Variants in ENOPH1 observed in about 807,000 individuals in gnomAD.
The protein encoded by ENOPH1 is enolase-phosphatase 1.
ENOPH1 carries 14 observed loss-of-function variants against 31.1 expected under a neutral mutation model. The observed-to-expected ratio is 0.45, with a 90% CI of 0.30 to 0.70. The LOEUF is 0.70. ENOPH1 is among the 30% of genes least tolerant of loss of function. The pLI is 0.09. For missense variants in ENOPH1, 243 were observed against 321.5 expected (o/e 0.76, Z 1.87); for synonymous variants, 127 against 123.2 (o/e 1.03, Z -0.21).
At chr4:82,454,945 C>CT (rs201969443) in intron 4 of ENOPH1, 91 bp downstream of exon 4, 30,877 of 958,950 alleles carry the variant, frequency 0.032, 7 homozygotes, top group Middle Eastern at 0.046. Context: ...TAATAGAATG[C>CT]TTTTTTTTTT....
chr4:82,450,731 G>A (rs1722326237), intron 2 of ENOPH1, among the ~76,000 whole-genome samples: 1 of 152,114 alleles, frequency 6.6e-6, no homozygotes, highest in African/African-American at 2.4e-5. Context: ...TTAAAGTCCT[G>A]GTTTGTTGAT....
intron 1 of ENOPH1, among the ~76,000 whole-genome samples, chr4:82,432,794 C>CA (rs1310519899): frequency 6.6e-6 from 1 of 152,094 alleles, no homozygotes; most frequent in Admixed American, 6.6e-5. Context: ...CGCGCACCAC[C>CA]ACGCCCGGCT....
chr4:82,460,045 A>T lies in ENOPH1; in HGVS notation c.711A>T (p.Gly237=), dbSNP rs1722605610. ...VAVVVRPGNA[G]LTDDEKTYYS... is the part of the protein sequence containing the mutation. The stretch of plus-strand genomic sequence containing the variant: ...TGGTGGTGAGACCAGGCAACGCAGG[A>T]TTAACAGATGATGAGAAGACTTACT... The change falls in exon 6 of 6, where the codon GGA becomes GGT. Residue 237 remains glycine (G), a synonymous_variant. Coordinates refer to ENST00000273920, the MANE Select transcript of ENOPH1 (RefSeq NM_021204.5). 6.2e-7 allele frequency: 1 copy of T among 1,614,074 alleles called. No individual in the cohort carries two copies. Among genetic ancestry groups the T allele is most frequent in the African/African-American group, 1.3e-5 (1 of 74,932 alleles).
Position 82,430,923 on chromosome 4 carries a change from G to C in ENOPH1, c.84+10G>C, listed in dbSNP as rs1455685158. 6.2e-7 allele frequency: 1 copy of C among 1,610,426 alleles called. No homozygotes were observed. Among genetic ancestry groups the C allele is most frequent in the African/African-American group, 1.3e-5 (1 of 74,882 alleles). On this transcript the variant is annotated intron_variant, in intron 1 of 5. Coordinates refer to ENST00000273920, the MANE Select transcript of ENOPH1 (RefSeq NM_021204.5). ...GATTGCTTTCGTGAAGGTGAGGGGC[G>C]GAAGGGAGCGGGGATGTTACTTTTC...
intron 2 of ENOPH1, among the ~76,000 whole-genome samples, chr4:82,449,227 A>C (rs1235617460): frequency 6.6e-6 from 1 of 151,854 alleles, no homozygotes; most frequent in East Asian, 1.9e-4. Context: ...GCTACAGAGC[A>C]AGACTCCGTC....
chr4:82,451,296 G>GT (rs1286334619), intron 3 of ENOPH1, 51 bp downstream of exon 3: 2 of 1,562,508 alleles, frequency 1.3e-6, no homozygotes, highest in East Asian at 2.3e-5. Context: ...ATCCAAATAT[G>GT]TTTTTTCACC....
intron 3 of ENOPH1, 101 bp from the exon 4 acceptor site, chr4:82,454,621 A>G (rs1722435459): frequency 1.5e-6 from 2 of 1,322,230 alleles, no homozygotes; most frequent in South Asian, 1.5e-5. Flanking sequence ...TCAGGTTACC[A>G]TGTGGGCACA....
chr4:82,439,521 G>A (rs1394755174), intron 1 of ENOPH1, among the ~76,000 whole-genome samples: 1 of 152,120 alleles, frequency 6.6e-6, no homozygotes, highest in Non-Finnish European at 1.5e-5. Context: ...GGGGTAAAGA[G>A]TGGGATCTTT....
chr4:82,437,008 G>A (rs566406713), intron 1 of ENOPH1, among the ~76,000 whole-genome samples: 3 of 151,808 alleles, frequency 2.0e-5, no homozygotes, highest in Non-Finnish European at 2.9e-5. Flanking sequence ...GAACACTTTG[G>A]GAGGCAAAGG....
At chr4:82,454,086 T>C (rs1016783252) in intron 3 of ENOPH1, among the ~76,000 whole-genome samples, 2 of 148,650 alleles carry the variant, frequency 1.3e-5, no homozygotes, top group Non-Finnish European at 3.0e-5. Context: ...TGGTAGCACA[T>C]GCTTGTAGTC....
chr4:82,432,914 C>G (rs1157529730), intron 1 of ENOPH1, among the ~76,000 whole-genome samples: 2 of 152,214 alleles, frequency 1.3e-5, no homozygotes, highest in Admixed American at 1.3e-4. Context: ...CTGACCTTCC[C>G]CCACGTTTTT....
At chr4:82,452,082 A>AT (rs376121846) in intron 3 of ENOPH1, among the ~76,000 whole-genome samples, 277 of 141,928 alleles carry the variant, frequency 2.0e-3, no homozygotes, top group East Asian at 8.9e-3. Context: ...TACCTGGCCT[A>AT]TTTTTTTTTT....
rs1459976661 is a variant in ENOPH1 at position 82,457,023 on chromosome 4, AC to A, written c.632del (p.Thr211LysfsTer17). The A allele has an allele frequency of 1.2e-6, 2 of 1,613,970 alleles. No homozygotes were observed. Among genetic ancestry groups the A allele is most frequent in the Non-Finnish European group, 1.7e-6 (2 of 1,179,942 alleles). On this transcript the variant is annotated frameshift_variant, in exon 5 of 6. Coordinates refer to ENST00000273920, the MANE Select transcript of ENOPH1 (RefSeq NM_021204.5). LOFTEE classifies it high-confidence loss of function. ...CTCAACCAACAACATTTTGTTTCTG[AC>A]AGATGTTACTCGAGGTGAGTAATAG... Reference protein sequence around the residue: ...GCSTNNILFLTDVTREASAAE... With the variant: ...GCSTNNILFLXDVTREASAAE...
chr4:82,431,641 T>C (rs1254458028), intron 1 of ENOPH1, among the ~76,000 whole-genome samples: 4 of 152,212 alleles, frequency 2.6e-5, no homozygotes, highest in African/African-American at 4.8e-5. Context: ...GGATTCCTTC[T>C]TTATTCTTTG....
In ENOPH1 at chr4:82,460,824, C is replaced by T. The variant is rs1378033207; in HGVS notation, c.*704C>T. The stretch of plus-strand genomic sequence containing the variant: ...AATGTTTAACAGAACAGTTCTAATC[C>T]TGCCACGTGTTATCATTATAGATTT... On this transcript the variant is annotated 3_prime_UTR_variant, in exon 6 of 6. Transcript: ENST00000273920. 9 of 152,186 alleles carry T rather than the reference C, an allele frequency of 5.9e-5. No homozygotes were observed. The highest frequency in any genetic ancestry group is 1.3e-4 in the Non-Finnish European group (9 of 68,044). 9.4% of individuals were successfully genotyped at this position (152,186 alleles called of 1,614,324 possible). A position where few individuals can be genotyped will look rare whatever the true frequency, so the allele number is the denominator to read the frequency against.
At chr4:82,440,217 G>C (rs989017950) in intron 1 of ENOPH1, among the ~76,000 whole-genome samples, 2 of 152,172 alleles carry the variant, frequency 1.3e-5, no homozygotes, top group African/African-American at 4.8e-5. Context: ...TATTATTGCT[G>C]ATACTTTATA....
rs772346215 is a variant in ENOPH1 at position 82,456,904 on chromosome 4, T to C, written c.523-11T>C. ...TTTGTATTGCCAGTCTTTCCCCTTC[T>C]CTTTGTTCAGCTTGTTGATGGTCAC... is the stretch of plus-strand genomic sequence containing the variant. On this transcript the variant is annotated splice_polypyrimidine_tract_variant and intron_variant, in intron 4 of 5. Transcript: ENST00000273920. 10 of 1,613,528 alleles carry C rather than the reference T, an allele frequency of 6.2e-6. No homozygotes were observed. The Admixed American group carries it at 1.3e-4, about 22-fold the overall frequency.
intron 1 of ENOPH1, among the ~76,000 whole-genome samples, chr4:82,447,417 G>C (rs1027742848): frequency 6.6e-6 from 1 of 152,060 alleles, no homozygotes. Context: ...CAGATTATTT[G>C]AGTGATATGT....
chr4:82,459,945 G>T, intron 5 of ENOPH1, 36 bp from the exon 6 acceptor site: 2 of 1,605,810 alleles, frequency 1.2e-6, no homozygotes, highest in African/African-American at 1.3e-5. Flanking sequence ...ATTTTTTGGT[G>T]TTTCTGACAC....
Sources: allele counts gnomAD v4.1 joint callset (sites outside exome capture counted in the v4.1 genomes callset), GRCh38; gene constraint gnomAD v4.1.1; transcripts MANE v1.5; gene names NCBI Gene and HGNC (gene_info 2026-07-23, HGNC 2026-07-21).